Variants in ANTXR2 observed in about 807,000 individuals in gnomAD.
ANTXR2 encodes the protein anthrax toxin receptor 2.
ANTXR2 carries 44 observed loss-of-function variants against 73.7 expected under a neutral mutation model. That is an observed-to-expected ratio of 0.60 (90% confidence interval 0.47 to 0.77). The LOEUF is 0.77. Among genes scored for constraint, ANTXR2 ranks in the 30% least tolerant of loss-of-function variants. ANTXR2 has a pLI of 0.00. For synonymous variants in ANTXR2, 217 were observed against 205.9 expected, an observed-to-expected ratio of 1.05 and a Z score of -0.46; for missense variants, 604 against 592.5, an observed-to-expected ratio of 1.02 and a Z score of -0.20.
At chr4:80,059,327 T>G (rs1222345137) in intron 3 of ANTXR2, among the ~76,000 whole-genome samples, 1 of 151,142 alleles carries the variant, frequency 6.6e-6, no homozygotes, top group Non-Finnish European at 1.5e-5. Flanking sequence ...ACACCATATA[T>G]ATATATATGG....
chr4:79,957,819 A>G (rs919424439), intron 16 of ANTXR2, among the ~76,000 whole-genome samples: 9 of 152,104 alleles, frequency 5.9e-5, no homozygotes, highest in Non-Finnish European at 8.8e-5. Context: ...GTAAAAAGGT[A>G]TTAACTAGAC....
Position 80,006,853 on chromosome 4 carries a change from TA to T in ANTXR2, c.1041+1667del, listed in dbSNP as rs576835784. On this transcript the variant is annotated intron_variant, in intron 12 of 16. Coordinates refer to ENST00000403729, the MANE Select transcript of ANTXR2 (RefSeq NM_058172.6). The stretch of plus-strand genomic sequence containing the variant: ...TAAATGAAATTGCAAAGTGATAATT[TA>T]AAAAAAGGAGGGGAAATGCACCACT... Among the ~76,000 whole-genome samples, 286 of 152,144 alleles carry T rather than the reference TA, an allele frequency of 1.9e-3. 1 individual carries two copies. Among genetic ancestry groups the T allele is most frequent in the Middle Eastern group, 3.4e-3 (1 of 294 alleles).
chr4:79,974,878 C>T (rs1729565369), intron 16 of ANTXR2, among the ~76,000 whole-genome samples: 1 of 151,746 alleles, frequency 6.6e-6, no homozygotes, highest in South Asian at 2.1e-4. Context: ...GCTGGGGCAA[C>T]ATGTGAAATA....
intron 15 of ANTXR2, 33 bp from the exon 16 acceptor site, chr4:79,977,734 G>C (rs1341828239): frequency 2.0e-6 from 3 of 1,536,520 alleles, no homozygotes; most frequent in Non-Finnish European, 2.6e-6. Flanking sequence ...AATTCCCAGA[G>C]AATGTACTCA....
chr4:79,997,590 C>G (rs1282226516), intron 12 of ANTXR2, among the ~76,000 whole-genome samples: 1 of 151,866 alleles, frequency 6.6e-6, no homozygotes, highest in African/African-American at 2.4e-5. Context: ...CAACATCTAG[C>G]CTTCAACATC....
At position 80,073,108 on chromosome 4, in the gene ANTXR2, C is replaced by G. The variant is rs1025481564; in HGVS notation, c.-548G>C. ...GAAACTTTCCTCCCGGTGCTGGACT[C>G]TGGCACTGCGCTGACAGGCCGTCCC... is the stretch of plus-strand genomic sequence containing the variant. On this transcript the variant is annotated 5_prime_UTR_variant, in exon 1 of 17. Transcript: ENST00000403729. 1 of 152,800 alleles carries G rather than the reference C, an allele frequency of 6.5e-6. No individual in the cohort carries two copies. Among genetic ancestry groups the G allele is most frequent in the South Asian group, 2.0e-4 (1 of 4,894 alleles). The allele number at this position is 152,800 out of a possible 1,614,324, so 9.5% of individuals were successfully genotyped here. A position where few individuals can be genotyped will look rare whatever the true frequency, so the allele number is the denominator to read the frequency against.
intron 12 of ANTXR2, among the ~76,000 whole-genome samples, chr4:80,003,627 A>T (rs1458955855): frequency 6.6e-6 from 1 of 152,106 alleles, no homozygotes; most frequent in Middle Eastern, 3.2e-3. Flanking sequence ...TTCACCAAAG[A>T]TATAAGCAAA....
At chr4:79,948,710 C>G (rs1728597772) in intron 16 of ANTXR2, among the ~76,000 whole-genome samples, 1 of 152,020 alleles carries the variant, frequency 6.6e-6, no homozygotes, top group African/African-American at 2.4e-5. Context: ...TTAGCGAATT[C>G]CCTGCCTGTC....
At chr4:80,057,438 T>A (rs1734050447) in intron 3 of ANTXR2, among the ~76,000 whole-genome samples, 1 of 152,020 alleles carries the variant, frequency 6.6e-6, no homozygotes, top group Non-Finnish European at 1.5e-5. Context: ...AACTTCTTGA[T>A]TGTATTTTTA....
chr4:79,989,961 A>G (rs1730384975), intron 12 of ANTXR2, among the ~76,000 whole-genome samples: 1 of 149,718 alleles, frequency 6.7e-6, no homozygotes, highest in East Asian at 1.9e-4. Context: ...TCAACAAACT[A>G]GGCATCAAAA....
At chr4:80,069,926 C>T (rs1734704029) in intron 2 of ANTXR2, among the ~76,000 whole-genome samples, 1 of 152,154 alleles carries the variant, frequency 6.6e-6, no homozygotes, top group Non-Finnish European at 1.5e-5. Context: ...ATGACCATAA[C>T]TATGATATGA....
intron 16 of ANTXR2, among the ~76,000 whole-genome samples, chr4:79,962,330 T>C (rs1237647350): frequency 1.3e-5 from 2 of 152,098 alleles, no homozygotes; most frequent in Non-Finnish European, 2.9e-5. Context: ...GTAGTAAAAA[T>C]GGCATGTTCA....
intron 10 of ANTXR2, among the ~76,000 whole-genome samples, chr4:80,025,456 A>G (rs1037641152): frequency 6.6e-6 from 1 of 152,232 alleles, no homozygotes; most frequent in Non-Finnish European, 1.5e-5. Context: ...TTTATGATCC[A>G]TTAAAAAGGA....
rs1329860701 is a variant in ANTXR2, at chr4:79,905,636, TAAATAA to T, written c.*1787_*1792del. The T allele has an allele frequency of 6.6e-6, 1 of 151,762 alleles. No homozygotes were observed. Among genetic ancestry groups the T allele is most frequent in the African/African-American group, 2.4e-5 (1 of 41,054 alleles). 9.4% of individuals were successfully genotyped at this position (151,762 alleles called of 1,614,324 possible). On this transcript the variant is annotated 3_prime_UTR_variant, in exon 17 of 17. Coordinates refer to ENST00000403729, the MANE Select transcript of ANTXR2 (RefSeq NM_058172.6). Reference sequence around the variant, plus strand: ...CTTTGGATCCAGCCAGCCAGTGACATAAATAAACTTGAGCAAAAGTTTCAAGCTAGA... The same window carrying T: ...CTTTGGATCCAGCCAGCCAGTGACATACTTGAGCAAAAGTTTCAAGCTAGA...
intron 10 of ANTXR2, among the ~76,000 whole-genome samples, chr4:80,021,679 G>A (rs1732171158): frequency 6.6e-6 from 1 of 151,944 alleles, no homozygotes; most frequent in African/African-American, 2.4e-5. Flanking sequence ...CTTTCCTATG[G>A]TAGAAATGCA....
chr4:80,048,226 T>G (rs1733612753), intron 7 of ANTXR2, among the ~76,000 whole-genome samples: 1 of 148,854 alleles, frequency 6.7e-6, no homozygotes, highest in Non-Finnish European at 1.5e-5. Flanking sequence ...AAATATGAAT[T>G]AAGCAATGAC....
At chr4:80,060,997 G>T (rs952528058) in intron 3 of ANTXR2, among the ~76,000 whole-genome samples, 1 of 152,162 alleles carries the variant, frequency 6.6e-6, no homozygotes, top group Non-Finnish European at 1.5e-5. Context: ...GCTGATACTG[G>T]CTGTTGCCTA....
Position 79,978,112 on chromosome 4 carries a change from A to C in ANTXR2, c.1242T>G (p.Ala414=), listed in dbSNP as rs746273403. Residue 414 remains alanine (A), a synonymous_variant, in exon 15 of 17, where the codon GCT becomes GCG. Transcript: ENST00000403729. ...EGARLEKAKN[A]VVKIPEETEE... ...CTGTTTCTTCAGGAATCTTCACCAC[A>C]GCATTTTTGGCTTTCTCTAGCCTTG... 46 of 1,613,818 alleles carry C rather than the reference A, an allele frequency of 2.9e-5. No homozygotes were observed. Among genetic ancestry groups the C allele is most frequent in the Middle Eastern group, 3.3e-4 (2 of 6,084 alleles).
At chr4:79,957,254 A>C (rs558708850) in intron 16 of ANTXR2, among the ~76,000 whole-genome samples, 1 of 152,214 alleles carries the variant, frequency 6.6e-6, no homozygotes, top group South Asian at 2.1e-4. Context: ...GTTATTATCC[A>C]CAGACTATAA....
Sources: allele counts gnomAD v4.1 joint callset (sites outside exome capture counted in the v4.1 genomes callset), GRCh38; gene constraint gnomAD v4.1.1; transcripts MANE v1.5; gene names NCBI Gene and HGNC (gene_info 2026-07-23, HGNC 2026-07-21).